Variants in KCNK13 observed in about 807,000 individuals in gnomAD.
The protein encoded by KCNK13 is potassium channel subfamily K member 13.
Under a neutral mutation model 23.4 loss-of-function variants are expected in KCNK13, and 12 were observed. The ratio of observed to expected loss-of-function variants is 0.51; its 90% CI spans 0.33 to 0.83. KCNK13 has a LOEUF of 0.83. KCNK13 is among the 40% of genes least tolerant of loss of function. KCNK13 has a pLI of 0.02. For synonymous variants in KCNK13, 231 were observed against 229.5 expected, an observed-to-expected ratio of 1.01 and a Z score of -0.06; for missense variants, 463 against 556.3, an observed-to-expected ratio of 0.83 and a Z score of 1.69.
chr14:90,091,194 A>G (rs1442498936), intron 1 of KCNK13, among the ~76,000 whole-genome samples: 2 of 152,200 alleles, frequency 1.3e-5, no homozygotes, highest in Non-Finnish European at 2.9e-5. Context: ...ATTTTTTTAA[A>G]TTGCATCCAG....
intron 1 of KCNK13, among the ~76,000 whole-genome samples, chr14:90,161,588 A>C (rs1308913472): frequency 6.6e-6 from 1 of 152,206 alleles, no homozygotes; most frequent in Non-Finnish European, 1.5e-5. Flanking sequence ...ATTCATATGA[A>C]GTAATTACAA....
intron 1 of KCNK13, among the ~76,000 whole-genome samples, chr14:90,168,175 G>GTT (rs1247462610): frequency 2.6e-5 from 4 of 152,028 alleles, no homozygotes; most frequent in African/African-American, 9.7e-5. Flanking sequence ...GGAAGTCGAA[G>GTT]CCAGCCTGGA....
At chr14:90,161,393 GTACT>G (rs1004978376) in intron 1 of KCNK13, among the ~76,000 whole-genome samples, 1 of 152,150 alleles carries the variant, frequency 6.6e-6, no homozygotes, top group African/African-American at 2.4e-5. Flanking sequence ...CATCATGCAT[GTACT>G]TACTGCTACT....
chr14:90,184,431 A>G lies in KCNK13; in HGVS notation c.655A>G (p.Ile219Val), dbSNP rs111667500. The G allele has an allele frequency of 2.5e-6, 4 of 1,614,152 alleles. No individual in the cohort carries two copies. Among genetic ancestry groups the G allele is most frequent in the African/African-American group, 2.7e-5 (2 of 75,032 alleles). The change falls in exon 2 of 2, where the codon ATT (isoleucine) becomes GTT (valine). Residue 219 changes from isoleucine (I) to valine (V), a missense_variant. By Grantham distance (29) the Ile-to-Val change is conservative. Coordinates refer to ENST00000282146, the MANE Select transcript of KCNK13 (RefSeq NM_022054.4). This position sits in a 1 kb window ranked among gnomAD's most constrained non-coding sequence, Gnocchi z 5.6. ...SCCASAMYTP[I>V]EGWSYFDSLY... ...CTGCGCCTCAGCCATGTACACCCCCATTGAAGGCTGGAGCTACTTTGACTC... is the reference window on the plus strand; with the variant it reads ...CTGCGCCTCAGCCATGTACACCCCCGTTGAAGGCTGGAGCTACTTTGACTC...
chr14:90,072,805 A>G (rs1212020402), intron 1 of KCNK13, among the ~76,000 whole-genome samples: 4 of 152,218 alleles, frequency 2.6e-5, no homozygotes, highest in Non-Finnish European at 4.4e-5. Context: ...TGAATGCAGA[A>G]TGGTTTAACT....
chr14:90,076,967 C>A (rs979152394), intron 1 of KCNK13, among the ~76,000 whole-genome samples: 8 of 151,940 alleles, frequency 5.3e-5, no homozygotes, highest in African/African-American at 1.4e-4. Context: ...CTACAGGCAT[C>A]CGCCACCACA....
chr14:90,164,416 G>A (rs542764004), intron 1 of KCNK13, among the ~76,000 whole-genome samples: 28 of 152,294 alleles, frequency 1.8e-4, no homozygotes, highest in African/African-American at 6.5e-4. Context: ...AAAGAATGAG[G>A]TTTCAGTTGT....
intron 1 of KCNK13, among the ~76,000 whole-genome samples, chr14:90,079,110 CT>C (rs1482706828): frequency 2.6e-5 from 4 of 152,120 alleles, no homozygotes; most frequent in African/African-American, 4.8e-5. Flanking sequence ...TGGTGTAACC[CT>C]AGTGCTCAGG....
intron 1 of KCNK13, among the ~76,000 whole-genome samples, chr14:90,074,432 CT>C (rs1296106926): frequency 6.6e-6 from 1 of 152,162 alleles, no homozygotes; most frequent in African/African-American, 2.4e-5. Flanking sequence ...AGCATGTTTT[CT>C]ATAGCTTTTC....
intron 1 of KCNK13, among the ~76,000 whole-genome samples, chr14:90,123,750 G>C (rs1889765466): frequency 6.6e-6 from 1 of 152,096 alleles, no homozygotes; most frequent in African/African-American, 2.4e-5. Context: ...TCCTGACTCA[G>C]CCTCCCATGT....
chr14:90,159,642 C>A (rs551480009), intron 1 of KCNK13, among the ~76,000 whole-genome samples: 8 of 152,320 alleles, frequency 5.3e-5, no homozygotes, highest in African/African-American at 1.9e-4. Context: ...CTTAGAAGGG[C>A]AAACTCTTAG....
intron 1 of KCNK13, among the ~76,000 whole-genome samples, chr14:90,069,878 G>A (rs1889053305): frequency 6.6e-6 from 1 of 152,146 alleles, no homozygotes; most frequent in African/African-American, 2.4e-5. Flanking sequence ...TCTTGCTTCA[G>A]ACCACACAGC....
rs760867229 is a variant in KCNK13, at chr14:90,062,412, C to G, written c.207C>G (p.Asp69Glu). 18 of 1,546,102 alleles carry G rather than the reference C, an allele frequency of 1.2e-5. No homozygotes were observed. The highest frequency in any genetic ancestry group is 1.1e-5 in the Non-Finnish European group (13 of 1,145,282). The change falls in exon 1 of 2, where the codon GAC becomes GAG. Residue 69 changes from aspartate (D) to glutamate (E), a missense_variant. Transcript: ENST00000282146. The surrounding 1 kb of genome is among the most constrained non-coding windows in gnomAD (Gnocchi z 4.5). ...NFSRGHNLSR[D>E]ELRGFLRHYE... ...GCCGCGGCCACAACCTGAGCCGCGA[C>G]GAGCTGCGCGGCTTCCTCCGCCACT...
At chr14:90,082,944 C>A (rs1022674365) in intron 1 of KCNK13, among the ~76,000 whole-genome samples, 1 of 152,176 alleles carries the variant, frequency 6.6e-6, no homozygotes, top group South Asian at 2.1e-4. Flanking sequence ...CTTTCCAACA[C>A]TTTACTATCT....
At chr14:90,120,695 T>C (rs1889728877) in intron 1 of KCNK13, among the ~76,000 whole-genome samples, 1 of 152,114 alleles carries the variant, frequency 6.6e-6, no homozygotes, top group South Asian at 2.1e-4. Flanking sequence ...GGATTAAAAT[T>C]TACGATGAGA....
At chr14:90,175,621 A>G (rs565012816) in intron 1 of KCNK13, among the ~76,000 whole-genome samples, 2 of 152,344 alleles carry the variant, frequency 1.3e-5, no homozygotes, top group African/African-American at 4.8e-5. Flanking sequence ...AGATAGAGGG[A>G]AACAGGTGCC....
intron 1 of KCNK13, among the ~76,000 whole-genome samples, chr14:90,137,027 AATT>A (rs146645820): frequency 0.099 from 15,055 of 152,224 alleles, 1,051 homozygotes; most frequent in Admixed American, 0.25. Context: ...TTCTAGAAGG[AATT>A]ACCCACAGGT....
chr14:90,149,951 G>A (rs1176155523), intron 1 of KCNK13, among the ~76,000 whole-genome samples: 1 of 152,036 alleles, frequency 6.6e-6, no homozygotes, highest in Non-Finnish European at 1.5e-5. Flanking sequence ...GTAATCCACA[G>A]CCCTCCAACT....
chr14:90,112,036 G>A (rs945011466), intron 1 of KCNK13, among the ~76,000 whole-genome samples: 2 of 152,144 alleles, frequency 1.3e-5, no homozygotes, highest in Non-Finnish European at 2.9e-5. Context: ...CCAATTCTGG[G>A]AGCTGGGACG....
Sources: gnomAD v4.1 joint callset for allele counts (sites outside exome capture counted in the v4.1 genomes callset) on GRCh38, gnomAD v4.1.1 for gene constraint, Gnocchi (gnomAD v3.1) non-coding constraint, MANE v1.5 for transcripts, NCBI Gene and HGNC (gene_info 2026-07-23, HGNC 2026-07-21) for gene names.